HECW1: variants seen among roughly 807,000 people sequenced by gnomAD.
The protein encoded by HECW1 is HECT, C2 and WW domain containing E3 ubiquitin protein ligase 1.
Under a neutral mutation model 182.3 loss-of-function variants are expected in HECW1, and 61 were observed. That is an observed-to-expected ratio of 0.33 (90% CI 0.27 to 0.41). The LOEUF (loss-of-function observed/expected upper bound fraction) is 0.41. Among genes scored for constraint, HECW1 ranks in the 10% least tolerant of loss-of-function variants. The pLI is 1.00. For synonymous variants in HECW1, 859 were observed against 832.6 expected (o/e 1.03, Z -0.55); for missense variants, 1,739 against 2,108.9 (o/e 0.82, Z 3.44).
intron 5 of HECW1, among the ~76,000 whole-genome samples, chr7:43,334,874 C>T (rs539499417): frequency 7.9e-5 from 12 of 152,230 alleles, no homozygotes; most frequent in East Asian, 3.9e-4. Context: ...ATCTCTATAC[C>T]GAGTCTAGAA....
chr7:43,488,596 G>C (rs951300581), intron 17 of HECW1, among the ~76,000 whole-genome samples: 14 of 152,146 alleles, frequency 9.2e-5, no homozygotes, highest in African/African-American at 3.4e-4. Flanking sequence ...GACGTCCCTC[G>C]GGATGGATTG....
intron 2 of HECW1, among the ~76,000 whole-genome samples, chr7:43,115,320 A>ATT (rs1273218745): frequency 9.3e-6 from 1 of 107,730 alleles, no homozygotes; most frequent in Non-Finnish European, 1.8e-5. Context: ...TTTTTTGTCC[A>ATT]CTATAGCAAA....
At chr7:43,157,478 T>C (rs1790011281) in intron 2 of HECW1, among the ~76,000 whole-genome samples, 1 of 152,256 alleles carries the variant, frequency 6.6e-6, no homozygotes, top group Non-Finnish European at 1.5e-5. Context: ...GCTGTACTCA[T>C]AGAATAATAA....
intron 8 of HECW1, among the ~76,000 whole-genome samples, chr7:43,425,400 C>T (rs975824718): frequency 6.6e-6 from 1 of 152,046 alleles, no homozygotes; most frequent in Non-Finnish European, 1.5e-5. Context: ...TGGGCATATT[C>T]CATAACCTTC....
chr7:43,472,170 G>A (rs948001388), intron 16 of HECW1, among the ~76,000 whole-genome samples: 1 of 152,124 alleles, frequency 6.6e-6, no homozygotes, highest in African/African-American at 2.4e-5. Flanking sequence ...TATGGCGTAT[G>A]AACACGGAAA....
At chr7:43,370,662 T>C (rs1050562226) in intron 6 of HECW1, among the ~76,000 whole-genome samples, 3 of 152,206 alleles carry the variant, frequency 2.0e-5, no homozygotes, top group Non-Finnish European at 4.4e-5. Context: ...TGGAATATTA[T>C]TCAGTACTAA....
intron 9 of HECW1, chr7:43,440,009 C>T (rs2076833171): frequency 6.6e-6 from 1 of 152,432 alleles, no homozygotes; most frequent in South Asian, 2.1e-4. Flanking sequence ...AGCAGCTCCT[C>T]CTCCAAAGCC....
intron 24 of HECW1, among the ~76,000 whole-genome samples, chr7:43,536,919 C>G (rs1482429089): frequency 6.6e-6 from 1 of 152,232 alleles, no homozygotes; most frequent in Admixed American, 6.5e-5. Context: ...GGAAAAAGCA[C>G]AGATGCGGGG....
intron 6 of HECW1, among the ~76,000 whole-genome samples, chr7:43,395,087 A>G (rs1231437496): frequency 6.6e-6 from 1 of 152,090 alleles, no homozygotes; most frequent in Non-Finnish European, 1.5e-5. Flanking sequence ...TGCAGGGTCT[A>G]TGAAATATCT....
At chr7:43,280,884 A>G (rs906150977) in intron 3 of HECW1, among the ~76,000 whole-genome samples, 2 of 152,208 alleles carry the variant, frequency 1.3e-5, no homozygotes, top group African/African-American at 4.8e-5. Flanking sequence ...AAGGCAGTTA[A>G]GAGAGGGGAA....
intron 6 of HECW1, among the ~76,000 whole-genome samples, chr7:43,362,327 C>G (rs1178126310): frequency 2.0e-5 from 3 of 152,342 alleles, no homozygotes; most frequent in African/African-American, 7.2e-5. Flanking sequence ...CAAAGCCTGG[C>G]TGCCTCCATC....
intron 9 of HECW1, 96 bp downstream of exon 9, chr7:43,438,241 G>A (rs1488471701): frequency 3.1e-6 from 3 of 966,608 alleles, no homozygotes; most frequent in Non-Finnish European, 4.7e-6. Context: ...GTCTCACAGA[G>A]AGTCAAAATG....
intron 2 of HECW1, among the ~76,000 whole-genome samples, chr7:43,126,609 A>G (rs1341572873): frequency 2.0e-5 from 3 of 152,188 alleles, no homozygotes; most frequent in Admixed American, 6.5e-5. Context: ...GTTTTATTGC[A>G]TTTCACTTTA....
At chr7:43,448,812 A>G (rs1343307920) in intron 11 of HECW1, among the ~76,000 whole-genome samples, 1 of 152,260 alleles carries the variant, frequency 6.6e-6, no homozygotes, top group Admixed American at 6.5e-5. Context: ...GGGAATTTAA[A>G]ACGACGTTGC....
intron 24 of HECW1, among the ~76,000 whole-genome samples, chr7:43,525,067 A>G (rs2080703062): frequency 6.6e-6 from 1 of 152,236 alleles, no homozygotes; most frequent in South Asian, 2.1e-4. Context: ...ACTCTTTTTT[A>G]TGAATGTATT....
chr7:43,325,832 G>A (rs540702079), intron 5 of HECW1, among the ~76,000 whole-genome samples: 2 of 152,268 alleles, frequency 1.3e-5, no homozygotes, highest in East Asian at 3.9e-4. Flanking sequence ...CTGGCTGGAT[G>A]CACACCCAGA....
At chr7:43,470,864 C>G (rs2077995493) in intron 16 of HECW1, among the ~76,000 whole-genome samples, 1 of 152,124 alleles carries the variant, frequency 6.6e-6, no homozygotes, top group African/African-American at 2.4e-5. Flanking sequence ...GGGAAAGTAG[C>G]CTTAGACTTG....
intron 2 of HECW1, among the ~76,000 whole-genome samples, chr7:43,235,233 G>C (rs1233074505): frequency 6.6e-6 from 1 of 152,144 alleles, no homozygotes; most frequent in Non-Finnish European, 1.5e-5. Context: ...ACCTTACTTG[G>C]GGTGAAATCC....
chr7:43,164,788 G>T (rs1307501609), intron 2 of HECW1, among the ~76,000 whole-genome samples: 1 of 152,246 alleles, frequency 6.6e-6, no homozygotes, highest in Admixed American at 6.5e-5. Flanking sequence ...TGAGGCAAGT[G>T]CAGACTCTTC....
Sources: allele counts gnomAD v4.1 joint callset (sites outside exome capture counted in the v4.1 genomes callset), GRCh38; gene constraint gnomAD v4.1.1; transcripts MANE v1.5; gene names NCBI Gene and HGNC (gene_info 2026-07-23, HGNC 2026-07-21).